NEGR1: variants seen among roughly 807,000 people sequenced by gnomAD.
The protein encoded by NEGR1 is neuronal growth regulator 1.
Under a neutral mutation model 40.9 loss-of-function variants are expected in NEGR1, and 10 were observed. The observed-to-expected ratio is 0.24, with a 90% CI of 0.15 to 0.42. NEGR1 has a LOEUF of 0.42. Ranked by LOEUF, NEGR1 falls within the 10% of genes least tolerant of loss-of-function variation. NEGR1 has a pLI of 1.00. For missense variants in NEGR1, 352 were observed against 438.9 expected, an observed-to-expected ratio of 0.80 and a Z score of 1.77; for synonymous variants, 185 against 166.8, an observed-to-expected ratio of 1.11 and a Z score of -0.84.
intron 3 of NEGR1, among the ~76,000 whole-genome samples, chr1:71,754,031 G>T (rs1163607628): frequency 6.6e-6 from 1 of 152,164 alleles, no homozygotes; most frequent in East Asian, 1.9e-4. Flanking sequence ...TCAGGATAAA[G>T]CAATGGAACA....
At chr1:71,597,490 G>GTGTGTGTGTT (rs1649763262) in intron 5 of NEGR1, among the ~76,000 whole-genome samples, 1 of 147,226 alleles carries the variant, frequency 6.8e-6, no homozygotes, top group South Asian at 2.2e-4. Context: ...GTGTGTGTGT[G>GTGTGTGTGTT]TGTGTGTGTG....
intron 1 of NEGR1, among the ~76,000 whole-genome samples, chr1:71,996,082 C>A (rs1274530470): frequency 6.6e-6 from 1 of 152,034 alleles, no homozygotes; most frequent in Non-Finnish European, 1.5e-5. Flanking sequence ...TTGGAAACTT[C>A]CTGGAGAAAA....
chr1:71,741,417 A>C (rs1384111455), intron 3 of NEGR1, among the ~76,000 whole-genome samples: 1 of 152,102 alleles, frequency 6.6e-6, no homozygotes, highest in Non-Finnish European at 1.5e-5. Flanking sequence ...CTATCAACCC[A>C]ATTCTCCCAT....
chr1:72,206,353 GAACT>G (rs1277034986), intron 1 of NEGR1, among the ~76,000 whole-genome samples: 1 of 151,990 alleles, frequency 6.6e-6, no homozygotes, highest in African/African-American at 2.4e-5. Flanking sequence ...GAAAATACCT[GAACT>G]AATAGCAAAC....
intron 1 of NEGR1, among the ~76,000 whole-genome samples, chr1:72,199,452 ATTGTAGTT>A (rs1474058094): frequency 6.6e-6 from 1 of 151,994 alleles, no homozygotes; most frequent in Non-Finnish European, 1.5e-5. Flanking sequence ...AGAAATTGAG[ATTGTAGTT>A]ACAGGGACTG....
At chr1:71,430,972 C>T (rs1455625375) in intron 6 of NEGR1, among the ~76,000 whole-genome samples, 12 of 152,096 alleles carry the variant, frequency 7.9e-5, no homozygotes, top group African/African-American at 2.4e-4. Context: ...TGGTCTCGAT[C>T]TCCTGACCTC....
chr1:71,767,945 G>T (rs1480110701), intron 3 of NEGR1, among the ~76,000 whole-genome samples: 1 of 152,246 alleles, frequency 6.6e-6, no homozygotes, highest in South Asian at 2.1e-4. Context: ...CTTTGATGTG[G>T]TGTTAAGCCT....
chr1:72,041,642 TG>T (rs1278169817), intron 1 of NEGR1, among the ~76,000 whole-genome samples: 1 of 150,192 alleles, frequency 6.7e-6, no homozygotes, highest in African/African-American at 2.4e-5. Context: ...AAATCCCACT[TG>T]TGGGTATAAA....
At chr1:71,409,174 A>G (rs17091169) in intron 6 of NEGR1, among the ~76,000 whole-genome samples, 4,202 of 152,176 alleles carry the variant, frequency 0.028, 80 homozygotes, top group Non-Finnish European at 0.036. Flanking sequence ...TCTGATGTAT[A>G]TGAAGTCTAA....
chr1:71,721,610 T>G (rs577082173), intron 3 of NEGR1, among the ~76,000 whole-genome samples: 1 of 152,300 alleles, frequency 6.6e-6, no homozygotes, highest in South Asian at 2.1e-4. Context: ...TCTTTGTGTG[T>G]GTGGCTGTGG....
At chr1:72,176,202 T>C (rs2630410) in intron 1 of NEGR1, among the ~76,000 whole-genome samples, 148,812 of 152,168 alleles carry the variant, frequency 0.98, 72,783 homozygotes, top group East Asian at 1. Context: ...TAGAATTTTA[T>C]GCAAAATTTT....
chr1:71,625,774 T>C (rs1477939674), intron 4 of NEGR1, among the ~76,000 whole-genome samples: 1 of 151,918 alleles, frequency 6.6e-6, no homozygotes, highest in Non-Finnish European at 1.5e-5. Context: ...GGACATATCG[T>C]GTGCCTCTAA....
intron 2 of NEGR1, among the ~76,000 whole-genome samples, chr1:71,782,715 T>C (rs1656760794): frequency 6.6e-6 from 1 of 152,140 alleles, no homozygotes; most frequent in South Asian, 2.1e-4. Flanking sequence ...TAAAATTTTA[T>C]ACCATTGCAA....
chr1:71,722,899 C>T lies in NEGR1; in HGVS notation c.536-24760G>A, dbSNP rs546085210. ...TCCTTGTGTACCTTTGCAATATTTC[C>T]CTTTTGTTCCTCTCTGTAAGTCCTA... On this transcript the variant is annotated intron_variant, in intron 3 of 6. Coordinates refer to ENST00000357731, the MANE Select transcript of NEGR1 (RefSeq NM_173808.3). Among the ~76,000 whole-genome samples, 8 of 151,890 alleles carry T rather than the reference C, an allele frequency of 5.3e-5. No individual in the cohort carries two copies. In the South Asian group the frequency reaches 1.5e-3, roughly 28 times the overall value.
chr1:71,852,163 A>G (rs1310809294), intron 2 of NEGR1, among the ~76,000 whole-genome samples: 1 of 152,156 alleles, frequency 6.6e-6, no homozygotes, highest in East Asian at 1.9e-4. Context: ...TCCCTTAAAG[A>G]ACAGGCAGAA....
chr1:71,527,887 A>G (rs1647241138), intron 6 of NEGR1, among the ~76,000 whole-genome samples: 1 of 151,446 alleles, frequency 6.6e-6, no homozygotes, highest in Non-Finnish European at 1.5e-5. Context: ...GTAGTAAGTT[A>G]ATTTTGGTAG....
At chr1:71,938,886 G>A (rs1645934533) in intron 1 of NEGR1, among the ~76,000 whole-genome samples, 1 of 152,048 alleles carries the variant, frequency 6.6e-6, no homozygotes, top group Non-Finnish European at 1.5e-5. Context: ...CTTGACCCTT[G>A]TAGCCAGGTC....
chr1:71,887,865 T>C (rs1206402984), intron 2 of NEGR1, among the ~76,000 whole-genome samples: 4 of 152,122 alleles, frequency 2.6e-5, no homozygotes, highest in African/African-American at 9.7e-5. Context: ...ACCTTTTCCA[T>C]TTGGAATTCC....
At chr1:71,597,719 C>A (rs1291614360) in intron 5 of NEGR1, among the ~76,000 whole-genome samples, 4 of 151,520 alleles carry the variant, frequency 2.6e-5, no homozygotes, top group Non-Finnish European at 5.9e-5. Flanking sequence ...CCAGCCTGGC[C>A]AACAGGGTGA....
Sources: allele counts gnomAD v4.1 joint callset (sites outside exome capture counted in the v4.1 genomes callset), GRCh38; gene constraint gnomAD v4.1.1; transcripts MANE v1.5; gene names NCBI Gene and HGNC (gene_info 2026-07-23, HGNC 2026-07-21).